ZBBX: variants seen among roughly 807,000 people sequenced by gnomAD.
ZBBX encodes zinc finger B-box domain-containing protein 1.
ZBBX carries 101 observed loss-of-function variants against 108.5 expected under a neutral mutation model. That is an observed-to-expected ratio of 0.93 (90% CI 0.79 to 1.10). The LOEUF (loss-of-function observed/expected upper bound fraction) is 1.10, where lower values mean the gene tolerates loss of function less well. Among genes scored for constraint, ZBBX ranks in the 50% least tolerant of loss-of-function variants. The pLI is 0.00. For synonymous variants in ZBBX, 356 were observed against 323.4 expected, an observed-to-expected ratio of 1.10 and a Z score of -1.08; for missense variants, 1,009 against 941.4, an observed-to-expected ratio of 1.07 and a Z score of -0.94.
chr3:167,382,843 C>T (rs186599520), upstream of ZBBX, among the ~76,000 whole-genome samples: 602 of 152,072 alleles, frequency 4.0e-3, 4 homozygotes, highest in Non-Finnish European at 7.0e-3. Flanking sequence ...TCATTTGTAT[C>T]TGGATATGTA....
At chr3:167,380,905 C>G (rs1482218777), upstream of ZBBX, among the ~76,000 whole-genome samples, 2 of 148,858 alleles carry the variant, frequency 1.3e-5, no homozygotes, top group Admixed American at 1.3e-4. Context: ...CACACACACA[C>G]AGTTAACCCA....
Position 167,350,421 on chromosome 3 carries a change from TG to T in ZBBX, c.526del (p.Gln176ArgfsTer18), listed in dbSNP as rs774841037. ...GTAAATCATTTTAGAAAGCCATACC[TG>T]CAAAAGAGTTGTTCTGTGGAGCTTT... ...ALKLHRTTLL[Q>X]AKSQILFNVL... On this transcript the variant is annotated frameshift_variant and splice_region_variant, in exon 9 of 22. Coordinates refer to ENST00000675490, the MANE Select transcript of ZBBX (RefSeq NM_001199201.2). LOFTEE classifies it high-confidence loss of function. 1.0e-5 allele frequency: 16 copies of T among 1,588,854 alleles called. No individual in the cohort carries two copies. The East Asian group carries it at 3.6e-4, about 36-fold the overall frequency.
the ZBBX span, among the ~76,000 whole-genome samples, chr3:167,196,943 C>T: frequency 1.3e-5 from 2 of 152,070 alleles, no homozygotes; most frequent in African/African-American, 2.4e-5. Context: ...CTCCAAGCAT[C>T]CTAAAGGTTA....
At chr3:167,265,321 G>A (rs778102975) in intron 20 of ZBBX, among the ~76,000 whole-genome samples, 28 of 152,176 alleles carry the variant, frequency 1.8e-4, no homozygotes, top group Non-Finnish European at 2.4e-4. Context: ...CTGGGTTCTC[G>A]TCCCTTCAAG....
downstream of ZBBX, among the ~76,000 whole-genome samples, chr3:167,236,604 C>G (rs146157544): frequency 6.6e-6 from 1 of 151,384 alleles, no homozygotes; most frequent in Non-Finnish European, 1.5e-5. Context: ...GAATATATAC[C>G]CTGTTTTTCT....
At chr3:167,191,045 G>A in the ZBBX span, among the ~76,000 whole-genome samples, 24 of 152,304 alleles carry the variant, frequency 1.6e-4, no homozygotes, top group African/African-American at 5.3e-4. Flanking sequence ...GAAAGGGCAA[G>A]AGACTTGCAG....
upstream of ZBBX, among the ~76,000 whole-genome samples, chr3:167,407,879 T>C (rs978522748): frequency 2.8e-4 from 43 of 152,162 alleles, no homozygotes; most frequent in African/African-American, 1.0e-3. Flanking sequence ...AGCTCTGAGA[T>C]GATTTTGACT....
At chr3:167,255,000 T>C (rs1423257852) in intron 20 of ZBBX, among the ~76,000 whole-genome samples, 2 of 152,000 alleles carry the variant, frequency 1.3e-5, no homozygotes, top group Non-Finnish European at 2.9e-5. Context: ...CAAATCATTA[T>C]ATACAAGGTT....
the ZBBX span, among the ~76,000 whole-genome samples, chr3:167,219,321 C>T: frequency 1.3e-5 from 2 of 151,962 alleles, no homozygotes; most frequent in African/African-American, 4.8e-5. Context: ...AGGTTACATA[C>T]AGAATACAGA....
At chr3:167,193,253 C>T in the ZBBX span, among the ~76,000 whole-genome samples, 7 of 152,110 alleles carry the variant, frequency 4.6e-5, no homozygotes, top group Non-Finnish European at 8.8e-5. Flanking sequence ...ATCAAAGTAT[C>T]ACATGTCCTG....
At chr3:167,222,411 G>A in the ZBBX span, among the ~76,000 whole-genome samples, 36 of 151,964 alleles carry the variant, frequency 2.4e-4, no homozygotes, top group Admixed American at 3.3e-4. Flanking sequence ...CAGAAGCCAG[G>A]AAGGGTAGTG....
At chr3:167,336,621 A>G (rs938119704) in intron 9 of ZBBX, among the ~76,000 whole-genome samples, 3 of 152,178 alleles carry the variant, frequency 2.0e-5, no homozygotes, top group Non-Finnish European at 4.4e-5. Context: ...TATCTATTCT[A>G]GCTTAATTAA....
intron 8 of ZBBX, among the ~76,000 whole-genome samples, chr3:167,353,329 T>G (rs1160265286): frequency 6.6e-6 from 1 of 152,114 alleles, no homozygotes; most frequent in Non-Finnish European, 1.5e-5. Context: ...ATTTTACATC[T>G]TTTACAGCAA....
At chr3:167,210,941 A>C in the ZBBX span, among the ~76,000 whole-genome samples, 1 of 152,316 alleles carries the variant, frequency 6.6e-6, no homozygotes, top group South Asian at 2.1e-4. Context: ...TGAAAAAAAA[A>C]GAGGTTAATA....
At chr3:167,366,385 T>G (rs1745314455) in intron 5 of ZBBX, among the ~76,000 whole-genome samples, 1 of 151,830 alleles carries the variant, frequency 6.6e-6, no homozygotes, top group South Asian at 2.1e-4. Flanking sequence ...TAGTAAGTGA[T>G]GAATTCCTTG....
At chr3:167,271,936 A>G (rs1726602164) in intron 20 of ZBBX, among the ~76,000 whole-genome samples, 1 of 152,246 alleles carries the variant, frequency 6.6e-6, no homozygotes. Flanking sequence ...GGACTAACAG[A>G]GAACACTGAC....
At chr3:167,286,635 T>C (rs567054673) in intron 19 of ZBBX, among the ~76,000 whole-genome samples, 1 of 152,242 alleles carries the variant, frequency 6.6e-6, no homozygotes, top group South Asian at 2.1e-4. Flanking sequence ...TTGGGCTTGA[T>C]TTTAGAGCTG....
chr3:167,327,758 A>G (rs1334500323), intron 11 of ZBBX, among the ~76,000 whole-genome samples, 184 bp downstream of exon 11: 2 of 151,950 alleles, frequency 1.3e-5, no homozygotes, highest in Admixed American at 6.6e-5. Flanking sequence ...TACTAAAAAT[A>G]CAAAAATTAG....
At chr3:167,386,703 GA>G (rs1012268727) in intron 1 of ZBBX, among the ~76,000 whole-genome samples, 1 of 151,892 alleles carries the variant, frequency 6.6e-6, no homozygotes, top group Non-Finnish European at 1.5e-5. Context: ...ATCTTAAAAA[GA>G]AAAAAGCTGG....
Sources: allele counts gnomAD v4.1 joint callset (sites outside exome capture counted in the v4.1 genomes callset), GRCh38; gene constraint gnomAD v4.1.1; transcripts MANE v1.5; gene names NCBI Gene and HGNC (gene_info 2026-07-23, HGNC 2026-07-21).